CSNK1G1: variants seen among roughly 807,000 people sequenced by gnomAD.
CSNK1G1 encodes casein kinase I isoform gamma-1.
A neutral mutation model predicts 59.6 loss-of-function variants in CSNK1G1; 22 were observed. The ratio of observed to expected loss-of-function variants is 0.37; its 90% CI spans 0.26 to 0.53. The LOEUF is 0.53. Among genes scored for constraint, CSNK1G1 ranks in the 20% least tolerant of loss-of-function variants. The pLI, the probability that CSNK1G1 is intolerant of heterozygous loss-of-function variation, is 0.89. For synonymous variants in CSNK1G1, 179 were observed against 177.1 expected, an observed-to-expected ratio of 1.01 and a Z score of -0.08; for missense variants, 384 against 519.5, an observed-to-expected ratio of 0.74 and a Z score of 2.54.
At chr15:64,346,154 G>A (rs1215770668) in intron 1 of CSNK1G1, among the ~76,000 whole-genome samples, 1 of 151,906 alleles carries the variant, frequency 6.6e-6, no homozygotes, top group Non-Finnish European at 1.5e-5. Context: ...CACTTTTGGA[G>A]GCAAAGGTGG....
chr15:64,219,704 C>G (rs1271249064), intron 4 of CSNK1G1, among the ~76,000 whole-genome samples: 1 of 152,092 alleles, frequency 6.6e-6, no homozygotes, highest in Non-Finnish European at 1.5e-5. Flanking sequence ...AACTGATCCT[C>G]CTGCTTTGAC....
intron 2 of CSNK1G1, among the ~76,000 whole-genome samples, chr15:64,259,540 AT>A (rs1030161056): frequency 6.6e-6 from 1 of 151,616 alleles, no homozygotes; most frequent in Non-Finnish European, 1.5e-5. Context: ...GCATATTAAT[AT>A]TTCCCAACTA....
chr15:64,350,419 T>G (rs1443157203), intron 1 of CSNK1G1, among the ~76,000 whole-genome samples: 2 of 151,920 alleles, frequency 1.3e-5, no homozygotes, highest in Non-Finnish European at 2.9e-5. Flanking sequence ...GAGAATGGCG[T>G]GAACCCGGGA....
chr15:64,352,905 A>G (rs569518599), intron 1 of CSNK1G1, among the ~76,000 whole-genome samples: 3 of 151,896 alleles, frequency 2.0e-5, no homozygotes, highest in African/African-American at 7.2e-5. Context: ...CCTGGCCAAC[A>G]TGGCAAAACG....
chr15:64,196,515 G>A (rs929749413), intron 10 of CSNK1G1, among the ~76,000 whole-genome samples: 7 of 151,460 alleles, frequency 4.6e-5, no homozygotes, highest in African/African-American at 1.7e-4. Context: ...GCAATGGCAC[G>A]ATCTCGGCTC....
intron 10 of CSNK1G1, among the ~76,000 whole-genome samples, chr15:64,199,057 C>T (rs1417100448): frequency 6.7e-6 from 1 of 148,736 alleles, no homozygotes; most frequent in Non-Finnish European, 1.5e-5. Flanking sequence ...GCCTGAGAAA[C>T]ACAGTGAAAC....
chr15:64,239,637 C>T (rs2082668117), intron 4 of CSNK1G1, among the ~76,000 whole-genome samples: 3 of 152,100 alleles, frequency 2.0e-5, no homozygotes, highest in Non-Finnish European at 2.9e-5. Context: ...CCTTGGCCTC[C>T]AAAAGTGATG....
chr15:64,230,052 G>A (rs2082525821), intron 4 of CSNK1G1, among the ~76,000 whole-genome samples: 1 of 151,030 alleles, frequency 6.6e-6, no homozygotes, highest in Non-Finnish European at 1.5e-5. Flanking sequence ...CTCTGGAGTA[G>A]CTGGGATTAC....
intron 4 of CSNK1G1, among the ~76,000 whole-genome samples, chr15:64,233,746 A>G (rs1333712620): frequency 6.6e-6 from 1 of 152,118 alleles, no homozygotes; most frequent in Non-Finnish European, 1.5e-5. Context: ...AGGTCCTGAT[A>G]TTTCACCCTT....
In CSNK1G1 at chr15:64,167,517, T is replaced by G. The variant is rs147343710; in HGVS notation, c.*4414A>C. ...ACTTACGTGGCCAATTCAGATGGGTTGCCTAATTATCCTGGCTCCCTGAGG... is the reference window on the plus strand; with the variant it reads ...ACTTACGTGGCCAATTCAGATGGGTGGCCTAATTATCCTGGCTCCCTGAGG... On this transcript the variant is annotated 3_prime_UTR_variant, in exon 12 of 12. Transcript: ENST00000303052. The G allele has an allele frequency of 6.6e-6, 1 of 152,642 alleles. No homozygotes were observed. Among genetic ancestry groups the G allele is most frequent in the African/African-American group, 2.4e-5 (1 of 41,442 alleles). The allele number at this position is 152,642 out of a possible 1,614,324, so 9.5% of individuals were successfully genotyped here. A position where few individuals can be genotyped will look rare whatever the true frequency, so the allele number is the denominator to read the frequency against.
chr15:64,209,488 G>A (rs1054693826), intron 6 of CSNK1G1, among the ~76,000 whole-genome samples: 7 of 152,150 alleles, frequency 4.6e-5, no homozygotes, highest in Non-Finnish European at 1.0e-4. Flanking sequence ...GTTGTAAAAA[G>A]ATGGTTACTA....
chr15:64,352,792 T>G (rs1898387655), intron 1 of CSNK1G1, among the ~76,000 whole-genome samples: 1 of 151,794 alleles, frequency 6.6e-6, no homozygotes, highest in African/African-American at 2.4e-5. Context: ...AGAAATATAT[T>G]TGAAAATTTC....
At chr15:64,323,345 ATTAT>A (rs1050811383) in intron 1 of CSNK1G1, among the ~76,000 whole-genome samples, 3 of 151,942 alleles carry the variant, frequency 2.0e-5, no homozygotes, top group African/African-American at 7.3e-5. Flanking sequence ...GTCTCAAAAA[ATTAT>A]TTAATTACTG....
intron 4 of CSNK1G1, among the ~76,000 whole-genome samples, chr15:64,232,861 T>C (rs1261021288): frequency 6.6e-6 from 1 of 151,632 alleles, no homozygotes; most frequent in African/African-American, 2.4e-5. Flanking sequence ...CAAAAAAAGG[T>C]CAAAATATGA....
At chr15:64,305,522 G>C (rs1406930285) in intron 1 of CSNK1G1, among the ~76,000 whole-genome samples, 1 of 151,764 alleles carries the variant, frequency 6.6e-6, no homozygotes, top group East Asian at 1.9e-4. Context: ...TTCAAGAACA[G>C]CCTGGGCAAC....
intron 2 of CSNK1G1, among the ~76,000 whole-genome samples, chr15:64,294,899 T>G (rs1894932853): frequency 3.8e-5 from 4 of 106,030 alleles, no homozygotes; most frequent in African/African-American, 7.8e-5. Context: ...ACAACAAGAG[T>G]GAAACTTCGT....
intron 1 of CSNK1G1, among the ~76,000 whole-genome samples, chr15:64,301,165 C>T (rs569233467): frequency 6.6e-6 from 1 of 152,152 alleles, no homozygotes; most frequent in East Asian, 1.9e-4. Context: ...AAGCATTTAC[C>T]AAGCACTAGC....
intron 2 of CSNK1G1, among the ~76,000 whole-genome samples, chr15:64,262,634 T>C (rs757081744): frequency 9.2e-5 from 14 of 152,224 alleles, no homozygotes; most frequent in Non-Finnish European, 1.8e-4. Context: ...TACTTGGAAG[T>C]GTGCCAAGGC....
chr15:64,238,640 CA>C (rs2082652739), intron 4 of CSNK1G1, among the ~76,000 whole-genome samples: 1 of 146,876 alleles, frequency 6.8e-6, no homozygotes, highest in African/African-American at 2.5e-5. Flanking sequence ...AAAAAAGAAA[CA>C]ACCACATAAA....
Sources: gnomAD v4.1 joint callset for allele counts (sites outside exome capture counted in the v4.1 genomes callset) on GRCh38, gnomAD v4.1.1 for gene constraint, MANE v1.5 for transcripts, NCBI Gene and HGNC (gene_info 2026-07-23, HGNC 2026-07-21) for gene names.